The following USP14 variants were observed in gnomAD, a reference collection of about 807,000 sequenced individuals.
USP14 encodes the protein ubiquitin carboxyl-terminal hydrolase 14.
USP14 carries 38 observed loss-of-function variants against 76.5 expected under a neutral mutation model. The observed-to-expected ratio is 0.50, with a 90% CI of 0.38 to 0.65. The LOEUF is 0.65. USP14 is among the 30% of genes least tolerant of loss of function. USP14 has a pLI of 0.00. For synonymous variants in USP14, 192 were observed against 191.7 expected (o/e 1.00, Z -0.01); for missense variants, 467 against 586.5 (o/e 0.80, Z 2.10).
Position 213,975 on chromosome 18 carries a change from T to TAGATAGATTAGATAGATAGATAGA in USP14, c.*2691_*2692insAGATAGATTAGATAGATAGATAGA, listed in dbSNP as rs1555603829. The TAGATAGATTAGATAGATAGATAGA allele has an allele frequency of 6.7e-6, 1 of 150,100 alleles. No individual in the cohort carries two copies. Among genetic ancestry groups the TAGATAGATTAGATAGATAGATAGA allele is most frequent in the Non-Finnish European group, 1.5e-5 (1 of 67,764 alleles). The allele number at this position is 150,100 out of a possible 1,614,324, so 9.3% of individuals were successfully genotyped here. A position where few individuals can be genotyped will look rare whatever the true frequency, so the allele number is the denominator to read the frequency against. ...TTCTGTAATGGACAAGATAGATAGA[T>TAGATAGATTAGATAGATAGATAGA]TAGATAGATAGATAGATAGATAGAT... On this transcript the variant is annotated 3_prime_UTR_variant, in exon 16 of 16. Transcript: ENST00000261601.
At chr18:186,992 C>T (rs1241001551) in intron 5 of USP14, among the ~76,000 whole-genome samples, 1 of 152,062 alleles carries the variant, frequency 6.6e-6, no homozygotes, top group Non-Finnish European at 1.5e-5. Context: ...ATAGTTTGAC[C>T]TTTCAGATAT....
intron 13 of USP14, among the ~76,000 whole-genome samples, chr18:209,599 T>TC (rs1567837722): frequency 6.6e-6 from 1 of 152,148 alleles, no homozygotes; most frequent in Admixed American, 6.5e-5. Context: ...AGTTGTTTTT[T>TC]CCCCCCACCT....
At chr18:170,216 A>G (rs971428460) in intron 3 of USP14, among the ~76,000 whole-genome samples, 1 of 152,118 alleles carries the variant, frequency 6.6e-6, no homozygotes, top group Admixed American at 6.6e-5. Context: ...AGGCAGGAGA[A>G]TTGCTTGAGC....
chr18:173,965 TC>T (rs1909550223), intron 3 of USP14, among the ~76,000 whole-genome samples: 1 of 152,230 alleles, frequency 6.6e-6, no homozygotes, highest in Non-Finnish European at 1.5e-5. Flanking sequence ...TTTTGATTCT[TC>T]AGGCCTTGAA....
intron 5 of USP14, among the ~76,000 whole-genome samples, chr18:183,607 T>A (rs529961832): frequency 1.3e-5 from 2 of 152,152 alleles, no homozygotes; most frequent in South Asian, 2.1e-4. Context: ...TGTCTTACAT[T>A]TTACTGATTC....
At chr18:170,459 G>A (rs891567136) in intron 3 of USP14, among the ~76,000 whole-genome samples, 4 of 152,174 alleles carry the variant, frequency 2.6e-5, no homozygotes, top group African/African-American at 9.7e-5. Flanking sequence ...CAGTCCAAAA[G>A]CTAGGCATTT....
intron 3 of USP14, among the ~76,000 whole-genome samples, chr18:174,608 T>C (rs1909573462): frequency 1.5e-5 from 2 of 130,384 alleles, no homozygotes; most frequent in African/African-American, 2.7e-5. Context: ...TACTTTTCTT[T>C]CTTTTTTTTT....
intron 3 of USP14, among the ~76,000 whole-genome samples, chr18:176,453 T>C (rs1001390073): frequency 1.3e-5 from 2 of 152,146 alleles, no homozygotes; most frequent in African/African-American, 2.4e-5. Context: ...ACACATGGCT[T>C]GGTTTTAATT....
rs1299263487 is a variant in USP14 at position 163,389 on chromosome 18, TG to T, written c.99del (p.Phe34LeufsTer3). On this transcript the variant is annotated frameshift_variant, in exon 2 of 16. Coordinates refer to ENST00000261601, the MANE Select transcript of USP14 (RefSeq NM_005151.4). LOFTEE classifies it high-confidence loss of function. ...CCTCCAATGGTATTCAAGGCTCAGC[TG>T]TTTGCGTTGACTGGAGTCCAGCCTG... is the stretch of plus-strand genomic sequence containing the variant. ...DEPPMVFKAQ[L>X]FALTGVQPAR... The T allele has an allele frequency of 6.2e-7, 1 of 1,613,984 alleles. No individual in the cohort carries two copies. Among genetic ancestry groups the T allele is most frequent in the African/African-American group, 1.3e-5 (1 of 74,946 alleles).
intron 3 of USP14, among the ~76,000 whole-genome samples, chr18:169,733 A>AT (rs1909389241): frequency 6.6e-6 from 1 of 152,014 alleles, no homozygotes; most frequent in South Asian, 2.1e-4. Flanking sequence ...TATAGGCACC[A>AT]TTTTTCCAGC....
chr18:194,305 G>GA (rs1326926750), intron 6 of USP14, among the ~76,000 whole-genome samples: 9 of 152,122 alleles, frequency 5.9e-5, no homozygotes, highest in African/African-American at 2.2e-4. Flanking sequence ...TACTTCATTT[G>GA]ACAGCTCATG....
At chr18:200,000 A>T (rs1910343032) in intron 10 of USP14, among the ~76,000 whole-genome samples, 1 of 152,222 alleles carries the variant, frequency 6.6e-6, no homozygotes, top group East Asian at 1.9e-4. Context: ...AGACAAAAGC[A>T]TTATTGACAT....
At chr18:168,742 A>T (rs984884118) in intron 3 of USP14, among the ~76,000 whole-genome samples, 4 of 151,728 alleles carry the variant, frequency 2.6e-5, no homozygotes, top group African/African-American at 9.7e-5. Flanking sequence ...GCCTTGTCCT[A>T]CTTTTTAATA....
intron 2 of USP14, among the ~76,000 whole-genome samples, 171 bp downstream of exon 2, chr18:163,624 A>C (rs542983372): frequency 6.6e-6 from 1 of 152,250 alleles, no homozygotes; most frequent in East Asian, 1.9e-4. Context: ...GTAAGGGAGA[A>C]ATATTGTAGC....
rs753329371 is a variant in USP14 at position 183,747 on chromosome 18, GT to G, written c.404+3422del. 8.7e-3 allele frequency among the ~76,000 whole-genome samples: 1,216 copies of G among 140,062 alleles called. 8 individuals are homozygous for G. The highest frequency in any genetic ancestry group is 0.013 in the Non-Finnish European group (834 of 63,896). The allele number at this position is 140,062 out of a possible 152,430, so 91.9% of individuals were successfully genotyped here. ...GGCTCTGAAGTATTTTTATTTAAAG[GT>G]TTTTTTTTTTTTTCCTTGTTGTTTG... On this transcript the variant is annotated intron_variant, in intron 5 of 15. Coordinates refer to ENST00000261601, the MANE Select transcript of USP14 (RefSeq NM_005151.4).
intron 3 of USP14, among the ~76,000 whole-genome samples, chr18:174,974 C>T (rs111881258): frequency 5.5e-4 from 84 of 152,174 alleles, no homozygotes; most frequent in African/African-American, 1.9e-3. Context: ...TGGGGTTTTG[C>T]CATGTTGGCC....
chr18:172,111 A>T (rs1393319308), intron 3 of USP14, among the ~76,000 whole-genome samples: 1 of 152,088 alleles, frequency 6.6e-6, no homozygotes, highest in Non-Finnish European at 1.5e-5. Context: ...GGTGGTGTAT[A>T]CCTGTAGTCC....
chr18:207,388 T>C (rs1910558403), intron 13 of USP14, among the ~76,000 whole-genome samples: 1 of 145,132 alleles, frequency 6.9e-6, no homozygotes, highest in African/African-American at 2.5e-5. Context: ...TGTGGATCAA[T>C]TAAAAAGTAT....
chr18:164,635 G>A (rs371226123), intron 2 of USP14, among the ~76,000 whole-genome samples: 1 of 151,986 alleles, frequency 6.6e-6, no homozygotes, highest in Non-Finnish European at 1.5e-5. Context: ...TGTATTTTTA[G>A]TAGAGATGGG....
Sources: gnomAD v4.1 joint callset for allele counts (sites outside exome capture counted in the v4.1 genomes callset) on GRCh38, gnomAD v4.1.1 for gene constraint, MANE v1.5 for transcripts, NCBI Gene and HGNC (gene_info 2026-07-23, HGNC 2026-07-21) for gene names.